Variants in ERBB4 observed in about 807,000 individuals in gnomAD.
The protein encoded by ERBB4 is erb-b2 receptor tyrosine kinase 4, also known as receptor tyrosine-protein kinase erbB-4.
Under a neutral mutation model 158.0 loss-of-function variants are expected in ERBB4, and 42 were observed. The observed-to-expected ratio is 0.27, with a 90% CI of 0.21 to 0.34. ERBB4 has a LOEUF of 0.34. Ranked by LOEUF, ERBB4 falls within the 10% of genes least tolerant of loss-of-function variation. The pLI is 1.00. For synonymous variants in ERBB4, 583 were observed against 558.7 expected (o/e 1.04, Z -0.61); for missense variants, 1,333 against 1,624.1 (o/e 0.82, Z 3.08).
intron 7 of ERBB4, among the ~76,000 whole-genome samples, chr2:211,720,049 C>T (rs2074044810): frequency 6.6e-6 from 1 of 152,104 alleles, no homozygotes; most frequent in Admixed American, 6.5e-5. Context: ...AAAACAAAAT[C>T]TTGCATTCAA....
intron 3 of ERBB4, among the ~76,000 whole-genome samples, chr2:211,841,070 C>G (rs2077459568): frequency 6.6e-6 from 1 of 151,986 alleles, no homozygotes; most frequent in Non-Finnish European, 1.5e-5. Context: ...AAATTTTACA[C>G]TAATTTGAAC....
At chr2:212,303,019 G>C (rs1045535327) in intron 1 of ERBB4, among the ~76,000 whole-genome samples, 8 of 151,276 alleles carry the variant, frequency 5.3e-5, no homozygotes, top group African/African-American at 1.9e-4. Context: ...GGAAAAATGG[G>C]GAAAGAAGAG....
At chr2:211,865,601 C>T (rs564847571) in intron 3 of ERBB4, among the ~76,000 whole-genome samples, 1 of 152,318 alleles carries the variant, frequency 6.6e-6, no homozygotes, top group Non-Finnish European at 1.5e-5. Flanking sequence ...GATTCTCTCG[C>T]CTCAGCCTCC....
chr2:212,226,042 G>A (rs894416413), intron 1 of ERBB4, among the ~76,000 whole-genome samples: 5 of 152,118 alleles, frequency 3.3e-5, no homozygotes, highest in African/African-American at 9.7e-5. Context: ...TGATCTAATT[G>A]GGTGAATCTT....
intron 16 of ERBB4, among the ~76,000 whole-genome samples, chr2:211,652,982 A>G (rs1382051088): frequency 1.3e-5 from 2 of 152,178 alleles, no homozygotes; most frequent in Non-Finnish European, 2.9e-5. Context: ...ACAAAAAAAA[A>G]TCTTTGGATA....
intron 19 of ERBB4, among the ~76,000 whole-genome samples, chr2:211,607,622 T>C (rs1304848229): frequency 6.6e-6 from 1 of 152,158 alleles, no homozygotes; most frequent in East Asian, 1.9e-4. Flanking sequence ...GTGCTCATTT[T>C]TTTTCTAATC....
chr2:212,047,698 G>C (rs141189957), intron 2 of ERBB4, among the ~76,000 whole-genome samples: 22,011 of 149,636 alleles, frequency 0.15, 2,338 homozygotes, highest in African/African-American at 0.3. Flanking sequence ...TGCCCAGGCT[G>C]GTCTCGAACT....
chr2:212,363,365 C>T (rs540075326), intron 1 of ERBB4, among the ~76,000 whole-genome samples: 1 of 151,242 alleles, frequency 6.6e-6, no homozygotes, highest in Non-Finnish European at 1.5e-5. Flanking sequence ...TATTTTACCT[C>T]GTTATCACTG....
intron 16 of ERBB4, among the ~76,000 whole-genome samples, chr2:211,653,023 G>C (rs932562958): frequency 6.6e-6 from 1 of 152,052 alleles, no homozygotes; most frequent in Non-Finnish European, 1.5e-5. Flanking sequence ...AAATGGATTA[G>C]AATCAAATAT....
intron 1 of ERBB4, among the ~76,000 whole-genome samples, chr2:212,328,645 T>C (rs2087979433): frequency 6.6e-6 from 1 of 152,024 alleles, no homozygotes; most frequent in African/African-American, 2.4e-5. Flanking sequence ...TCTTATACCA[T>C]ATAGTATGTA....
At chr2:211,435,710 T>C (rs990039177) in intron 20 of ERBB4, among the ~76,000 whole-genome samples, 2 of 152,162 alleles carry the variant, frequency 1.3e-5, no homozygotes, top group South Asian at 4.1e-4. Flanking sequence ...AACTAATGCC[T>C]GATGGTTTGA....
intron 1 of ERBB4, among the ~76,000 whole-genome samples, chr2:212,140,998 ATTAT>A (rs767034533): frequency 1.1e-4 from 17 of 151,648 alleles, no homozygotes; most frequent in South Asian, 1.0e-3. Context: ...TATTTTACTA[ATTAT>A]TTATCTCTTC....
intron 17 of ERBB4, among the ~76,000 whole-genome samples, chr2:211,625,928 CTTCT>C (rs1250165737): frequency 6.6e-6 from 1 of 152,128 alleles, no homozygotes; most frequent in Non-Finnish European, 1.5e-5. Flanking sequence ...GCTTTTCAGT[CTTCT>C]TTAATTTTCT....
chr2:212,326,499 A>C (rs1431696658), intron 1 of ERBB4, among the ~76,000 whole-genome samples: 1 of 150,914 alleles, frequency 6.6e-6, no homozygotes, highest in African/African-American at 2.4e-5. Context: ...TTAGCTTAAA[A>C]AAAAATTCAT....
intron 5 of ERBB4, among the ~76,000 whole-genome samples, chr2:211,741,009 T>C (rs116085048): frequency 0.017 from 2,536 of 152,332 alleles, 72 homozygotes; most frequent in African/African-American, 0.058. Flanking sequence ...TCTTTCTTCA[T>C]GCTTGCTAAA....
intron 3 of ERBB4, among the ~76,000 whole-genome samples, chr2:211,827,456 T>C (rs1289338159): frequency 2.0e-5 from 3 of 152,106 alleles, no homozygotes; most frequent in Non-Finnish European, 4.4e-5. Flanking sequence ...GTGTATTTAG[T>C]TTGACATTTT....
At chr2:211,458,264 T>C (rs2064436642) in intron 20 of ERBB4, among the ~76,000 whole-genome samples, 1 of 151,322 alleles carries the variant, frequency 6.6e-6, no homozygotes, top group Non-Finnish European at 1.5e-5. Context: ...GACAAGACAA[T>C]GAATAATTTT....
intron 1 of ERBB4, among the ~76,000 whole-genome samples, chr2:212,145,728 A>AT (rs2080646202): frequency 2.3e-4 from 2 of 8,600 alleles, no homozygotes; most frequent in African/African-American, 3.5e-3. Context: ...AGCATGCAGT[A>AT]AAAAAAAAAA....
chr2:212,384,920 T>TATATATAC (rs764463489), intron 1 of ERBB4, among the ~76,000 whole-genome samples: 47 of 123,764 alleles, frequency 3.8e-4, no homozygotes, highest in South Asian at 1.6e-3. Context: ...TATATATATA[T>TATATATAC]ACACACACAC....
Sources: gnomAD v4.1 joint callset for allele counts (sites outside exome capture counted in the v4.1 genomes callset) on GRCh38, gnomAD v4.1.1 for gene constraint, MANE v1.5 for transcripts, NCBI Gene and HGNC (gene_info 2026-07-23, HGNC 2026-07-21) for gene names.